ANKS1B: variants seen among roughly 807,000 people sequenced by gnomAD.
ANKS1B encodes ankyrin repeat and sterile alpha motif domain containing 1B, also known as ankyrin repeat and sterile alpha motif domain-containing protein 1B.
A neutral mutation model predicts 148.3 loss-of-function variants in ANKS1B; 36 were observed. The observed-to-expected ratio is 0.24, with a 90% CI of 0.19 to 0.32. The LOEUF (loss-of-function observed/expected upper bound fraction) is 0.32. ANKS1B is among the 10% of genes least tolerant of loss of function. The probability of loss-of-function intolerance (pLI) is 1.00; values close to 1 mark genes in which losing one functional copy is unlikely to be tolerated. For missense variants in ANKS1B, 1,157 were observed against 1,542.6 expected, an observed-to-expected ratio of 0.75 and a Z score of 4.19; for synonymous variants, 542 against 560.8, an observed-to-expected ratio of 0.97 and a Z score of 0.47.
At chr12:99,906,823 C>G (rs559456611) in intron 1 of ANKS1B, among the ~76,000 whole-genome samples, 49 of 152,018 alleles carry the variant, frequency 3.2e-4, no homozygotes, top group African/African-American at 1.1e-3. Context: ...TATTGTAGTG[C>G]CGGGAGTATG....
intron 17 of ANKS1B, among the ~76,000 whole-genome samples, chr12:99,051,263 G>T (rs1307454727): frequency 6.6e-6 from 1 of 152,196 alleles, no homozygotes; most frequent in African/African-American, 2.4e-5. Context: ...CATTGTAAGT[G>T]ATCCTTACTT....
chr12:99,977,493 C>T (rs941165988), intron 1 of ANKS1B, among the ~76,000 whole-genome samples: 1 of 152,166 alleles, frequency 6.6e-6, no homozygotes, highest in Non-Finnish European at 1.5e-5. Context: ...TAAATTTCAA[C>T]ATGAGTTTTG....
chr12:99,736,512 AAAT>A (rs1664500982), intron 8 of ANKS1B, among the ~76,000 whole-genome samples: 1 of 151,824 alleles, frequency 6.6e-6, no homozygotes, highest in Non-Finnish European at 1.5e-5. Context: ...GCTACAAACC[AAAT>A]AACTAAAAAT....
intron 19 of ANKS1B, among the ~76,000 whole-genome samples, chr12:98,814,172 G>A (rs545312427): frequency 5.6e-4 from 85 of 151,962 alleles, no homozygotes; most frequent in Non-Finnish European, 1.0e-3. Context: ...GAGCCACCGC[G>A]CCTGGCCATA....
intron 14 of ANKS1B, among the ~76,000 whole-genome samples, chr12:99,209,606 C>A (rs529729094): frequency 1.9e-4 from 29 of 152,244 alleles, no homozygotes; most frequent in African/African-American, 6.7e-4. Flanking sequence ...GAGAGTTCAC[C>A]AAAATGCCCA....
At chr12:99,472,602 C>T (rs1001922485) in intron 10 of ANKS1B, among the ~76,000 whole-genome samples, 4 of 152,038 alleles carry the variant, frequency 2.6e-5, no homozygotes, top group African/African-American at 9.7e-5. Flanking sequence ...TTTATTAAAA[C>T]ATATCCTTTG....
chr12:99,946,835 C>T (rs1221288036), intron 1 of ANKS1B, among the ~76,000 whole-genome samples: 1 of 152,078 alleles, frequency 6.6e-6, no homozygotes, highest in Non-Finnish European at 1.5e-5. Flanking sequence ...CAAAGGAGGA[C>T]AGAAATACAT....
chr12:99,302,999 T>A (rs2081878989), intron 12 of ANKS1B, among the ~76,000 whole-genome samples: 1 of 152,108 alleles, frequency 6.6e-6, no homozygotes, highest in African/African-American at 2.4e-5. Flanking sequence ...ATGTTGGCTT[T>A]TATGAAATGT....
intron 1 of ANKS1B, among the ~76,000 whole-genome samples, chr12:99,943,672 C>A (rs2094976765): frequency 6.6e-6 from 1 of 151,960 alleles, no homozygotes; most frequent in Admixed American, 6.6e-5. Context: ...AGACCCACCC[C>A]CATGATTCAA....
intron 12 of ANKS1B, among the ~76,000 whole-genome samples, chr12:99,307,149 A>G (rs2082466721): frequency 6.6e-6 from 1 of 152,156 alleles, no homozygotes; most frequent in South Asian, 2.1e-4. Context: ...GAATGAATTT[A>G]GAATCATTTT....
intron 14 of ANKS1B, among the ~76,000 whole-genome samples, chr12:99,202,614 T>A (rs2082197500): frequency 6.6e-6 from 1 of 152,230 alleles, no homozygotes; most frequent in African/African-American, 2.4e-5. Context: ...AAAGTAATAA[T>A]CTCTCCAGCC....
intron 16 of ANKS1B, among the ~76,000 whole-genome samples, chr12:99,068,977 A>G (rs2153581688): frequency 6.6e-6 from 1 of 152,284 alleles, no homozygotes; most frequent in East Asian, 1.9e-4. Context: ...ATAGTATTCT[A>G]GTTTTTGACA....
chr12:98,753,417 C>T (rs561667476), intron 25 of ANKS1B, among the ~76,000 whole-genome samples: 1 of 131,610 alleles, frequency 7.6e-6, no homozygotes, highest in African/African-American at 3.1e-5. Context: ...CATGGTCTGC[C>T]CCAAGCTTTC....
chr12:99,530,562 T>C (rs2096977918), intron 9 of ANKS1B, among the ~76,000 whole-genome samples: 1 of 152,224 alleles, frequency 6.6e-6, no homozygotes, highest in Admixed American at 6.5e-5. Context: ...TGTACCACTG[T>C]ATTAAAAAAA....
intron 9 of ANKS1B, among the ~76,000 whole-genome samples, chr12:99,608,927 C>A (rs553956717): frequency 2.9e-4 from 44 of 151,924 alleles, no homozygotes; most frequent in African/African-American, 1.0e-3. Flanking sequence ...GACGGTGGCA[C>A]AAGGAGGATA....
chr12:99,250,894 AGC>A (rs1294270348), intron 12 of ANKS1B, among the ~76,000 whole-genome samples: 33 of 152,366 alleles, frequency 2.2e-4, no homozygotes, highest in Admixed American at 1.8e-3. Context: ...TAAACCAGGT[AGC>A]TTACAAACAA....
intron 24 of ANKS1B, among the ~76,000 whole-genome samples, chr12:98,775,471 G>C (rs1472540586): frequency 6.6e-6 from 1 of 151,774 alleles, no homozygotes; most frequent in Admixed American, 6.6e-5. Flanking sequence ...TTTTTTTTGA[G>C]ATAGGGTCTT....
At chr12:98,992,014 A>T (rs908037062) in intron 17 of ANKS1B, among the ~76,000 whole-genome samples, 12 of 152,212 alleles carry the variant, frequency 7.9e-5, no homozygotes, top group African/African-American at 2.7e-4. Flanking sequence ...GATGGCACAG[A>T]CAAATCACTC....
intron 12 of ANKS1B, among the ~76,000 whole-genome samples, chr12:99,278,585 A>G (rs2077988925): frequency 6.6e-6 from 1 of 152,154 alleles, no homozygotes; most frequent in African/African-American, 2.4e-5. Context: ...CACATCCTTC[A>G]AGACCAAGGT....
Sources: gnomAD v4.1 joint callset for allele counts (sites outside exome capture counted in the v4.1 genomes callset) on GRCh38, gnomAD v4.1.1 for gene constraint, MANE v1.5 for transcripts, NCBI Gene and HGNC (gene_info 2026-07-23, HGNC 2026-07-21) for gene names.